PRKD3: variants seen among roughly 807,000 people sequenced by gnomAD.
The protein encoded by PRKD3 is protein kinase D3, also known as serine/threonine-protein kinase D3.
A neutral mutation model predicts 99.2 loss-of-function variants in PRKD3; 47 were observed. That is an observed-to-expected ratio of 0.47 (90% CI 0.38 to 0.60). The LOEUF (loss-of-function observed/expected upper bound fraction) is 0.60, where lower values mean the gene tolerates loss of function less well. Ranked by LOEUF, PRKD3 falls within the 20% of genes least tolerant of loss-of-function variation. The probability of loss-of-function intolerance (pLI) is 0.00; values close to 1 mark genes in which losing one functional copy is unlikely to be tolerated. For missense variants in PRKD3, 1,019 were observed against 1,088.4 expected, an observed-to-expected ratio of 0.94 and a Z score of 0.90; for synonymous variants, 392 against 355.4, an observed-to-expected ratio of 1.10 and a Z score of -1.16.
chr2:37,261,688 G>A (rs1558528946), intron 14 of PRKD3, among the ~76,000 whole-genome samples: 1 of 152,324 alleles, frequency 6.6e-6, no homozygotes, highest in African/African-American at 2.4e-5. Context: ...GCTGAGGCAG[G>A]AGAATTGCTT....
intron 16 of PRKD3, 68 bp from the exon 17 acceptor site, chr2:37,256,997 AT>A: frequency 6.7e-7 from 1 of 1,493,646 alleles, no homozygotes; most frequent in South Asian, 1.2e-5. Context: ...GTCCCTAAAT[AT>A]AACACTGTAT....
chr2:37,265,413 T>C (rs9309002), intron 14 of PRKD3, among the ~76,000 whole-genome samples: 22,023 of 152,100 alleles, frequency 0.14, 2,230 homozygotes, highest in East Asian at 0.34. Flanking sequence ...ATTGTACTAA[T>C]AGAATATTCT....
At chr2:37,271,545 C>A (rs72792829) in intron 12 of PRKD3, among the ~76,000 whole-genome samples, 1 of 152,004 alleles carries the variant, frequency 6.6e-6, no homozygotes, top group African/African-American at 2.4e-5. Flanking sequence ...TAACTGTTTG[C>A]GGCCTGTTAG....
chr2:37,298,029 TTTA>T (rs1670749477), intron 2 of PRKD3, among the ~76,000 whole-genome samples: 1 of 152,188 alleles, frequency 6.6e-6, no homozygotes, highest in Non-Finnish European at 1.5e-5. Flanking sequence ...AAATGGGAGA[TTTA>T]TCTATTTTCC....
chr2:37,291,544 T>C lies in PRKD3; in HGVS notation c.428-545A>G, dbSNP rs75095521. ...TCACCTCAACCTGCAAGTAGTCTGATGGAGTCCAGAGTAGAGAAGGAAGAG... is the reference window on the plus strand; with the variant it reads ...TCACCTCAACCTGCAAGTAGTCTGACGGAGTCCAGAGTAGAGAAGGAAGAG... On this transcript the variant is annotated intron_variant, in intron 3 of 18. Transcript: ENST00000234179. Among the ~76,000 whole-genome samples the C allele has an allele frequency of 7.7e-3, 1,168 of 152,292 alleles. 7 individuals carry two copies. Among genetic ancestry groups the C allele is most frequent in the Non-Finnish European group, 0.011 (774 of 68,014 alleles).
chr2:37,300,798 C>A (rs6726921), intron 2 of PRKD3, among the ~76,000 whole-genome samples: 10,227 of 152,134 alleles, frequency 0.067, 380 homozygotes, highest in Middle Eastern at 0.089. Context: ...CTTTTTGAGT[C>A]TGAATATGAG....
intron 7 of PRKD3, chr2:37,282,173 T>C (rs1188209163): frequency 6.1e-6 from 1 of 163,838 alleles, no homozygotes; most frequent in Non-Finnish European, 1.3e-5. Flanking sequence ...GAAATGTCAA[T>C]ATATTTAAAG....
At chr2:37,267,712 C>A in intron 13 of PRKD3, 176 bp from the exon 14 acceptor site, 1 of 550,496 alleles carries the variant, frequency 1.8e-6, no homozygotes. Context: ...TTTTCCCCTC[C>A]ATACATAATA....
chr2:37,322,860 C>T (rs963724109), intron 1 of PRKD3, among the ~76,000 whole-genome samples: 1 of 152,106 alleles, frequency 6.6e-6, no homozygotes, highest in East Asian at 1.9e-4. Flanking sequence ...AGCATTATAT[C>T]AAATTAAAAC....
intron 1 of PRKD3, among the ~76,000 whole-genome samples, chr2:37,322,471 G>T (rs747085435): frequency 1.2e-4 from 18 of 152,202 alleles, no homozygotes; most frequent in Non-Finnish European, 2.4e-4. Flanking sequence ...AGTACTGAGA[G>T]AGCACACCAT....
At chr2:37,288,527 T>C (rs1167008358) in intron 5 of PRKD3, among the ~76,000 whole-genome samples, 1 of 152,122 alleles carries the variant, frequency 6.6e-6, no homozygotes, top group Admixed American at 6.5e-5. Flanking sequence ...AAAAACTAAA[T>C]AATAAGATTA....
chr2:37,319,437 TGAAGAAATCTG>T (rs1223278601), intron 1 of PRKD3, among the ~76,000 whole-genome samples: 2 of 152,180 alleles, frequency 1.3e-5, no homozygotes, highest in African/African-American at 2.4e-5. Context: ...ATCCTCAGGT[TGAAGAAATCTG>T]GGAGAAATAA....
At chr2:37,309,526 T>A (rs566514194) in intron 2 of PRKD3, among the ~76,000 whole-genome samples, 1 of 152,244 alleles carries the variant, frequency 6.6e-6, no homozygotes, top group East Asian at 1.9e-4. Flanking sequence ...GATTCTTAAG[T>A]CACATATGCA....
At chr2:37,268,577 A>G (rs1043047357) in intron 13 of PRKD3, 1 of 250,308 alleles carries the variant, frequency 4.0e-6, no homozygotes, top group African/African-American at 2.3e-5. Context: ...GTTGGGTAGC[A>G]GGAGTACCAA....
chr2:37,288,899 C>G (rs908285159), intron 5 of PRKD3, among the ~76,000 whole-genome samples: 1 of 151,872 alleles, frequency 6.6e-6, no homozygotes, highest in Non-Finnish European at 1.5e-5. Flanking sequence ...ACTAAACATA[C>G]AAAAATCAGC....
Sources: gnomAD v4.1 joint callset for allele counts (sites outside exome capture counted in the v4.1 genomes callset) on GRCh38, gnomAD v4.1.1 for gene constraint, MANE v1.5 for transcripts, NCBI Gene and HGNC (gene_info 2026-07-23, HGNC 2026-07-21) for gene names.